HDAC4: variants seen among roughly 807,000 people sequenced by gnomAD.
HDAC4 encodes histone deacetylase 4.
In HDAC4, 16 loss-of-function variants were observed where a neutral mutation model predicts 135.1. That is an observed-to-expected ratio of 0.12 (90% CI 0.08 to 0.18). The LOEUF (loss-of-function observed/expected upper bound fraction) is 0.18, where lower values mean the gene tolerates loss of function less well. Among genes scored for constraint, HDAC4 ranks in the 10% least tolerant of loss-of-function variants. The probability of loss-of-function intolerance (pLI) is 1.00; values close to 1 mark genes in which losing one functional copy is unlikely to be tolerated. For missense variants in HDAC4, 1,143 were observed against 1,511.8 expected, an observed-to-expected ratio of 0.76 and a Z score of 4.05; for synonymous variants, 685 against 653.4, an observed-to-expected ratio of 1.05 and a Z score of -0.74.
intron 11 of HDAC4, among the ~76,000 whole-genome samples, chr2:239,129,375 G>A (rs2040412464): frequency 6.6e-6 from 1 of 152,176 alleles, no homozygotes; most frequent in Non-Finnish European, 1.5e-5. Flanking sequence ...AGGGACTTTT[G>A]AGCATAAGTC....
intron 4 of HDAC4, among the ~76,000 whole-genome samples, chr2:239,184,547 T>G (rs1165761812): frequency 0.02 from 687 of 33,768 alleles, no homozygotes; most frequent in Middle Eastern, 0.056. Context: ...CCCTATGGGG[T>G]GGTCCCTCAG....
intron 11 of HDAC4, 76 bp downstream of exon 11, chr2:239,134,169 G>T: frequency 8.4e-7 from 1 of 1,192,898 alleles, no homozygotes; most frequent in Non-Finnish European, 1.2e-6. Flanking sequence ...TCCTCCAAAG[G>T]CAGGCGAAGG....
intron 5 of HDAC4, among the ~76,000 whole-genome samples, chr2:239,166,464 G>C (rs1301539961): frequency 6.6e-6 from 1 of 152,188 alleles, no homozygotes; most frequent in Non-Finnish European, 1.5e-5. Flanking sequence ...TTGTGACTGC[G>C]GTGAGCACTG....
rs556868692 is a variant in HDAC4 at position 239,068,874 on chromosome 2, G to A, written c.2751-267C>T. Reference sequence around the variant, plus strand: ...CACTTGCTTGGTGAGAGGGAGTCACGGTGCAAGCCAGCAAGCCCCACTGCA... The same window carrying A: ...CACTTGCTTGGTGAGAGGGAGTCACAGTGCAAGCCAGCAAGCCCCACTGCA... On this transcript the variant is annotated intron_variant, in intron 22 of 26. Transcript: ENST00000543185. The surrounding 1 kb of genome is among the most constrained non-coding windows in gnomAD (Gnocchi z 4.4). The A allele has an allele frequency of 1.1e-4, 48 of 444,960 alleles. No individual in the cohort carries two copies. Among genetic ancestry groups the A allele is most frequent in the Admixed American group, 2.5e-4 (8 of 31,546 alleles). 27.6% of individuals were successfully genotyped at this position (444,960 alleles called of 1,614,324 possible).
chr2:239,217,585 T>G (rs1435061471), intron 3 of HDAC4, among the ~76,000 whole-genome samples: 14 of 152,160 alleles, frequency 9.2e-5, no homozygotes, highest in Admixed American at 9.2e-4. Flanking sequence ...GACGGGCTAC[T>G]CTCTCACATC....
At chr2:239,382,175 G>C (rs1695465733) in intron 1 of HDAC4, among the ~76,000 whole-genome samples, 1 of 152,264 alleles carries the variant, frequency 6.6e-6, no homozygotes, top group South Asian at 2.1e-4. Flanking sequence ...CCACGTAACA[G>C]ATTAAAATTA....
Position 239,240,748 on chromosome 2 carries a change from T to C in HDAC4, c.23-4084A>G, listed in dbSNP as rs1389660537. 1.3e-5 allele frequency among the ~76,000 whole-genome samples: 2 copies of C among 152,216 alleles called. No individual in the cohort carries two copies. Among genetic ancestry groups the C allele is most frequent in the Non-Finnish European group, 2.9e-5 (2 of 68,040 alleles). On this transcript the variant is annotated intron_variant, in intron 2 of 26. Coordinates refer to ENST00000543185, the MANE Select transcript of HDAC4 (RefSeq NM_001378414.1). This position sits in a 1 kb window ranked among gnomAD's most constrained non-coding sequence, Gnocchi z 4.5. ...CTCACCAGCACATGATGTGCCCCAG[T>C]GTGCTCAATGCACCCACAGTCAACT...
At chr2:239,149,946 T>G (rs1174388018) in intron 7 of HDAC4, among the ~76,000 whole-genome samples, 1 of 152,168 alleles carries the variant, frequency 6.6e-6, no homozygotes, top group Non-Finnish European at 1.5e-5. Flanking sequence ...AACCAGCAGC[T>G]CCATTTTCAG....
chr2:239,239,418 C>T (rs902094577), intron 2 of HDAC4, among the ~76,000 whole-genome samples: 17 of 152,294 alleles, frequency 1.1e-4, no homozygotes, highest in South Asian at 2.1e-4. Flanking sequence ...TCAGCAGGTG[C>T]GGCTGAACAT....
intron 3 of HDAC4, among the ~76,000 whole-genome samples, chr2:239,231,593 T>C (rs77583961): frequency 0.12 from 17,602 of 144,418 alleles, 1,823 homozygotes; most frequent in East Asian, 0.34. Context: ...CTGACTTTTT[T>C]TGTTTGCCTC....
intron 3 of HDAC4, among the ~76,000 whole-genome samples, chr2:239,202,920 A>C (rs1428868701): frequency 6.6e-6 from 1 of 152,176 alleles, no homozygotes; most frequent in Non-Finnish European, 1.5e-5. Context: ...ATTGACAAGA[A>C]AGGAAGGGCC....
intron 3 of HDAC4, 92 bp from the exon 4 acceptor site, chr2:239,190,169 CGGGGCGGG>C: frequency 7.7e-7 from 1 of 1,291,508 alleles, no homozygotes; most frequent in Non-Finnish European, 1.0e-6. Context: ...GCCACCTTCA[CGGGGCGGG>C]GGGGGGGTTG....
rs752381088 is a variant in HDAC4 at position 239,081,084 on chromosome 2, G to A, written c.2750+11C>T. ...GCTACTTCAGGTGTCATGTGAAGCC[G>A]GGAGGCTCACCTGAAGGCCGCCAAG... On this transcript the variant is annotated intron_variant, in intron 22 of 26. Coordinates refer to ENST00000543185, the MANE Select transcript of HDAC4 (RefSeq NM_001378414.1). The A allele has an allele frequency of 3.4e-5, 55 of 1,599,208 alleles. No homozygotes were observed. The highest frequency in any genetic ancestry group is 9.9e-5 in the South Asian group (9 of 90,498).
chr2:239,274,232 C>T (rs964455469), intron 2 of HDAC4, among the ~76,000 whole-genome samples: 9 of 152,152 alleles, frequency 5.9e-5, no homozygotes, highest in Admixed American at 2.0e-4. Flanking sequence ...TTATTTGTTG[C>T]AAACATAAAC....
At chr2:239,162,280 CCCT>C (rs1559536709) in intron 6 of HDAC4, 1 of 456,710 alleles carries the variant, frequency 2.2e-6, no homozygotes, top group East Asian at 7.0e-5. Context: ...GGCGGCCCTG[CCCT>C]GGTCCAGCAG....
chr2:239,110,045 G>A (rs2152793899), intron 14 of HDAC4, among the ~76,000 whole-genome samples: 1 of 152,306 alleles, frequency 6.6e-6, no homozygotes, highest in African/African-American at 2.4e-5. Context: ...CACGGACACG[G>A]GAAGATGGCT....
intron 5 of HDAC4, among the ~76,000 whole-genome samples, chr2:239,173,498 A>G (rs2043578849): frequency 6.6e-6 from 1 of 152,216 alleles, no homozygotes; most frequent in Non-Finnish European, 1.5e-5. Flanking sequence ...TGGAAGGGAA[A>G]CTTCCATGAT....
chr2:239,366,928 T>C (rs1694259752), intron 1 of HDAC4, among the ~76,000 whole-genome samples: 1 of 148,996 alleles, frequency 6.7e-6, no homozygotes, highest in Non-Finnish European at 1.5e-5. Context: ...ATAACCACCA[T>C]GCACCCAAGC....
chr2:239,295,491 G>C (rs2051829094), intron 2 of HDAC4, among the ~76,000 whole-genome samples: 1 of 152,046 alleles, frequency 6.6e-6, no homozygotes, highest in African/African-American at 2.4e-5. Flanking sequence ...ACAGGACTAG[G>C]AGTCAGAGAC....
Sources: allele counts gnomAD v4.1 joint callset (sites outside exome capture counted in the v4.1 genomes callset), GRCh38; gene constraint gnomAD v4.1.1; non-coding constraint Gnocchi (gnomAD v3.1); transcripts MANE v1.5; gene names NCBI Gene and HGNC (gene_info 2026-07-23, HGNC 2026-07-21).